The following SRGAP2 variants were observed in gnomAD, a reference collection of about 807,000 sequenced individuals.
SRGAP2 encodes the protein SLIT-ROBO Rho GTPase-activating protein 2.
Under a neutral mutation model 57.2 loss-of-function variants are expected in SRGAP2, and 15 were observed. The observed-to-expected ratio is 0.26, with a 90% CI of 0.18 to 0.40. SRGAP2 has a LOEUF of 0.40. SRGAP2 is among the 10% of genes least tolerant of loss of function. The pLI is 1.00. For synonymous variants in SRGAP2, 249 were observed against 248.0 expected (o/e 1.00, Z -0.04); for missense variants, 520 against 669.6 (o/e 0.78, Z 2.47).
chr1:206,373,006 TTTCTTTCTTTCTTTC>T (rs1654816539), intron 4 of SRGAP2, among the ~76,000 whole-genome samples: 2 of 121,082 alleles, frequency 1.7e-5, no homozygotes, highest in South Asian at 5.8e-4. Context: ...TCTTTCTTTC[TTTCTTTCTTTCTTTC>T]TTTCTTTTCT....
At chr1:206,245,224 C>G in intron 2 of SRGAP2, among the ~76,000 whole-genome samples, 1 of 145,220 alleles carries the variant, frequency 6.9e-6, no homozygotes, top group South Asian at 2.4e-4. Flanking sequence ...TTCTGTAGAG[C>G]CCTAGACCTT....
intron 19 of SRGAP2, among the ~76,000 whole-genome samples, chr1:206,450,937 C>A (rs1191671407): frequency 1.6e-5 from 2 of 124,484 alleles, no homozygotes. Context: ...CACAGCCAGA[C>A]CCTGTCTCTT....
At chr1:206,224,422 A>C (rs1558232041) in intron 2 of SRGAP2, among the ~76,000 whole-genome samples, 1 of 145,098 alleles carries the variant, frequency 6.9e-6, no homozygotes, top group Admixed American at 6.7e-5. Flanking sequence ...GTAGTTAAAA[A>C]AAAAATAACC....
At chr1:206,329,823 C>T (rs1409538760) in intron 3 of SRGAP2, among the ~76,000 whole-genome samples, 18 of 145,022 alleles carry the variant, frequency 1.2e-4, no homozygotes, top group African/African-American at 4.3e-4. Context: ...ATTGTCCTGG[C>T]CAGAACTTCC....
intron 16 of SRGAP2, 26 bp from the exon 17 acceptor site, chr1:206,439,950 A>G (rs1553371336): frequency 1.3e-6 from 1 of 779,430 alleles, no homozygotes; most frequent in South Asian, 1.3e-5. Flanking sequence ...ATAGTGGAGG[A>G]TAACACATGG....
chr1:206,415,849 C>A (rs1553361605), intron 10 of SRGAP2, 40 bp from the exon 11 acceptor site: 1 of 757,032 alleles, frequency 1.3e-6, no homozygotes, highest in Non-Finnish European at 2.5e-6. Flanking sequence ...TCTTCTTCTT[C>A]AGGAGTCTGA....
intron 3 of SRGAP2, among the ~76,000 whole-genome samples, chr1:206,307,867 G>T (rs1188865721): frequency 1.4e-4 from 22 of 152,100 alleles, no homozygotes; most frequent in African/African-American, 4.8e-4. Flanking sequence ...GAGGGAGTGG[G>T]CTCCAGCCTT....
Position 206,378,370 on chromosome 1 carries a change from CATG to C in SRGAP2, c.424-5643_424-5641del, listed in dbSNP as rs781822292. On this transcript the variant is annotated intron_variant, in intron 4 of 22. Coordinates refer to ENST00000573034, the MANE Select transcript of SRGAP2 (RefSeq NM_015326.5). ...TGGTACACATCTGTCGTCCCAGCTA[CATG>C]GGAAGCTGAGGGAGGAGGATCACGT... is the stretch of plus-strand genomic sequence containing the variant. 4.6e-5 allele frequency among the ~76,000 whole-genome samples: 7 copies of C among 152,188 alleles called. No individual in the cohort carries two copies. The East Asian group carries it at 1.3e-3, about 29-fold the overall frequency.
chr1:206,370,179 T>C (rs1654396194), intron 4 of SRGAP2, among the ~76,000 whole-genome samples: 2 of 151,934 alleles, frequency 1.3e-5, no homozygotes, highest in Admixed American at 6.6e-5. Flanking sequence ...GGCAGGAGAA[T>C]GGCGTGAACC....
intron 10 of SRGAP2, among the ~76,000 whole-genome samples, chr1:206,409,865 G>A (rs1291859795): frequency 6.6e-6 from 1 of 151,300 alleles, no homozygotes; most frequent in Non-Finnish European, 1.5e-5. Flanking sequence ...TTGGGAGGCC[G>A]AGGCAGGCGG....
chr1:206,419,721 G>T (rs546926714), intron 12 of SRGAP2, among the ~76,000 whole-genome samples: 4 of 151,978 alleles, frequency 2.6e-5, no homozygotes, highest in Admixed American at 2.0e-4. Flanking sequence ...GAGGATTCTG[G>T]TAACCTAACC....
intron 14 of SRGAP2, among the ~76,000 whole-genome samples, chr1:206,430,870 G>T (rs76987334): frequency 0.03 from 4,599 of 152,260 alleles, 117 homozygotes; most frequent in Non-Finnish European, 0.045. Flanking sequence ...AGAATTTAGC[G>T]ATCGAAATAA....
intron 4 of SRGAP2, among the ~76,000 whole-genome samples, chr1:206,352,808 CTTT>C: frequency 6.6e-6 from 1 of 151,460 alleles, no homozygotes. Context: ...AATATATCAT[CTTT>C]TTGTTTGTTT....
intron 2 of SRGAP2, among the ~76,000 whole-genome samples, chr1:206,290,922 A>T (rs1183319214): frequency 2.0e-5 from 3 of 152,236 alleles, no homozygotes; most frequent in African/African-American, 7.2e-5. Flanking sequence ...TCCAGTTGAT[A>T]GCATCTCTAG....
At position 206,325,720 on chromosome 1, in the gene SRGAP2, G is replaced by A. The variant is rs1451265141; in HGVS notation, c.261-17126G>A. Among the ~76,000 whole-genome samples the A allele has an allele frequency of 2.6e-5, 4 of 152,020 alleles. No individual in the cohort carries two copies. In the South Asian group the frequency reaches 6.3e-4, roughly 24 times the overall value. ...AATGCTAGTTGGTGACCTATAAGTTGATTTTTTTAAACCTCACTAATGGGT... is the reference window on the plus strand; with the variant it reads ...AATGCTAGTTGGTGACCTATAAGTTAATTTTTTTAAACCTCACTAATGGGT... On this transcript the variant is annotated intron_variant, in intron 3 of 22. Transcript: ENST00000573034.
rs550697759 is a variant in SRGAP2, at chr1:206,437,058, T to G, written c.1633+16T>G. 1.3e-6 allele frequency: 1 copy of G among 780,602 alleles called. No homozygotes were observed. The highest frequency in any genetic ancestry group is 1.3e-5 in the South Asian group (1 of 74,620). The allele number at this position is 780,602 out of a possible 1,614,324, so 48.4% of individuals were successfully genotyped here. ...TTTGAGAGAGGTAAGGAAACAGTCTTGAAGATAAAACCAAATATTTGCCAG... is the reference window on the plus strand; with the variant it reads ...TTTGAGAGAGGTAAGGAAACAGTCTGGAAGATAAAACCAAATATTTGCCAG... On this transcript the variant is annotated intron_variant, in intron 15 of 22. Coordinates refer to ENST00000573034, the MANE Select transcript of SRGAP2 (RefSeq NM_015326.5).
intron 2 of SRGAP2, among the ~76,000 whole-genome samples, chr1:206,291,324 A>G (rs1283545480): frequency 2.6e-5 from 4 of 152,178 alleles, no homozygotes; most frequent in African/African-American, 9.7e-5. Context: ...TCGTTGTGAA[A>G]TGGGAGGAAT....
intron 10 of SRGAP2, among the ~76,000 whole-genome samples, chr1:206,414,926 TCTC>T (rs1659554135): frequency 6.6e-6 from 1 of 152,218 alleles, no homozygotes; most frequent in Non-Finnish European, 1.5e-5. Flanking sequence ...CTTCTCTCCT[TCTC>T]CTGCTCTGTA....
At chr1:206,237,228 C>T (rs1385120296) in intron 2 of SRGAP2, among the ~76,000 whole-genome samples, 3 of 152,130 alleles carry the variant, frequency 2.0e-5, no homozygotes, top group African/African-American at 4.8e-5. Context: ...CACCACTGCA[C>T]TCCAGTCTGG....
Sources: allele counts gnomAD v4.1 joint callset (sites outside exome capture counted in the v4.1 genomes callset), GRCh38; gene constraint gnomAD v4.1.1; transcripts MANE v1.5; gene names NCBI Gene and HGNC (gene_info 2026-07-23, HGNC 2026-07-21).